The following CFAP99 variants were observed in gnomAD, a reference collection of about 807,000 sequenced individuals.
CFAP99 encodes cilia and flagella associated protein 99, also known as cilia- and flagella-associated protein 99.
A neutral mutation model predicts 82.7 loss-of-function variants in CFAP99; 84 were observed. The ratio of observed to expected loss-of-function variants is 1.02; its 90% confidence interval spans 0.85 to 1.22. The LOEUF is 1.22. Among genes scored for constraint, CFAP99 ranks in the 50% most tolerant of loss-of-function variants. The pLI is 0.00. For missense variants in CFAP99, 1,059 were observed against 983.5 expected (o/e 1.08, Z -1.03); for synonymous variants, 456 against 429.5 (o/e 1.06, Z -0.76).
intron 4 of CFAP99, 131 bp from the exon 5 acceptor site, chr4:2,442,999 G>C: frequency 2.1e-6 from 1 of 473,510 alleles, no homozygotes; most frequent in Non-Finnish European, 3.8e-6. Context: ...GGGTGCTGGG[G>C]GCCTTGGGGG....
intron 2 of CFAP99, among the ~76,000 whole-genome samples, chr4:2,436,666 T>C (rs1472131463): frequency 6.6e-6 from 1 of 152,198 alleles, no homozygotes; most frequent in African/African-American, 2.4e-5. Context: ...TTTCTGTCTT[T>C]GCCCTGACCT....
At chr4:2,442,760 C>T (rs1055736552) in intron 4 of CFAP99, among the ~76,000 whole-genome samples, 3 of 152,302 alleles carry the variant, frequency 2.0e-5, no homozygotes, top group East Asian at 3.9e-4. Flanking sequence ...CCAGGGACCC[C>T]GGGGGCTGCT....
At chr4:2,445,286 C>A (rs766292811) in exon 6 of CFAP99, 2 of 1,365,916 alleles carry the variant, frequency 1.5e-6, no homozygotes, top group Non-Finnish European at 9.4e-7. Flanking sequence ...GAACCAGTCC[C>A]GGTCGTGGCC....
chr4:2,445,136 AGCCAGAG>A lies in CFAP99; in HGVS notation c.472_478del (p.Pro158SerfsTer4). ...TTTCCACTTTTGCCTTCAAGATGGCAGCCAGAGGTCCAGGAGCTGATCAACCACCTGG... is the reference window on the plus strand; with the variant it reads ...TTTCCACTTTTGCCTTCAAGATGGCAGTCCAGGAGCTGATCAACCACCTGG... On this transcript the variant is annotated frameshift_variant, in exon 6 of 15. Transcript: ENST00000635017. LOFTEE classifies it high-confidence loss of function. 7.4e-7 allele frequency: 1 copy of A among 1,358,952 alleles called. No homozygotes were observed. The highest frequency in any genetic ancestry group is 9.4e-7 in the Non-Finnish European group (1 of 1,059,336). 84.2% of individuals were successfully genotyped at this position (1,358,952 alleles called of 1,614,324 possible).
intron 11 of CFAP99, among the ~76,000 whole-genome samples, chr4:2,457,208 G>A (rs1407110605): frequency 2.6e-5 from 4 of 152,068 alleles, no homozygotes; most frequent in Non-Finnish European, 4.4e-5. Flanking sequence ...TTCCCCACGC[G>A]CTGGGATTAC....
chr4:2,458,553 C>T (rs1734489254), intron 11 of CFAP99, among the ~76,000 whole-genome samples, 170 bp from the exon 12 acceptor site: 1 of 152,204 alleles, frequency 6.6e-6, no homozygotes, highest in Non-Finnish European at 1.5e-5. Flanking sequence ...GCAGGCCCAA[C>T]TTCCAGAGCA....
At chr4:2,436,375 T>G (rs1000726282) in intron 2 of CFAP99, among the ~76,000 whole-genome samples, 2 of 152,176 alleles carry the variant, frequency 1.3e-5, no homozygotes, top group African/African-American at 4.8e-5. Flanking sequence ...ATTATTGTGG[T>G]AAAATACATG....
chr4:2,448,330 C>G lies in CFAP99; in HGVS notation c.643-1340C>G, dbSNP rs1334700951. Among the ~76,000 whole-genome samples the G allele has an allele frequency of 1.3e-5, 2 of 152,200 alleles. No individual in the cohort carries two copies. ...GGCCCTCACCATGTCCTCCCATGCTCTATAGCTGTGTGCCTCTCAGTACAA... is the reference window on the plus strand; with the variant it reads ...GGCCCTCACCATGTCCTCCCATGCTGTATAGCTGTGTGCCTCTCAGTACAA... On this transcript the variant is annotated intron_variant, in intron 6 of 14. Coordinates refer to ENST00000635017, the Ensembl canonical transcript of CFAP99. This position sits in a 1 kb window ranked among gnomAD's most constrained non-coding sequence, Gnocchi z 5.2.
At chr4:2,427,858 C>T (rs1046575232) in intron 2 of CFAP99, 4 of 152,392 alleles carry the variant, frequency 2.6e-5, no homozygotes, top group Middle Eastern at 3.4e-3. Flanking sequence ...GCCAAGGCCT[C>T]TGCCGTAAGA....
At chr4:2,454,594 G>GGTTTTTTTTTTTTTTGTT (rs1560388808) in intron 11 of CFAP99, among the ~76,000 whole-genome samples, 3 of 84,534 alleles carry the variant, frequency 3.5e-5, no homozygotes, top group African/African-American at 1.3e-4. Context: ...TTTTTTTTTT[G>GGTTTTTTTTTTTTTTGTT]TTTTTTTTTT....
At chr4:2,439,132 C>T (rs893145969) in intron 4 of CFAP99, among the ~76,000 whole-genome samples, 1 of 152,242 alleles carries the variant, frequency 6.6e-6, no homozygotes, top group African/African-American at 2.4e-5. Context: ...CAGGTTTTCC[C>T]GGACACTCAT....
intron 1 of CFAP99, among the ~76,000 whole-genome samples, chr4:2,423,128 T>A (rs1032705014): frequency 5.3e-5 from 8 of 151,898 alleles, no homozygotes; most frequent in Non-Finnish European, 1.0e-4. Context: ...ATGCCTGGAG[T>A]GAAAGCCACA....
chr4:2,425,874 A>C (rs1241370120), intron 1 of CFAP99, among the ~76,000 whole-genome samples: 1 of 152,020 alleles, frequency 6.6e-6, no homozygotes, highest in Non-Finnish European at 1.5e-5. Flanking sequence ...TGCCCCCGCA[A>C]GCCCTCCCCA....
At chr4:2,442,597 A>T (rs77179858) in intron 4 of CFAP99, among the ~76,000 whole-genome samples, 4 of 151,980 alleles carry the variant, frequency 2.6e-5, no homozygotes, top group Admixed American at 6.5e-5. Context: ...CCCCAAGACC[A>T]CCATTCAGGA....
intron 4 of CFAP99, among the ~76,000 whole-genome samples, chr4:2,441,106 C>T (rs1489827406): frequency 2.0e-5 from 3 of 150,218 alleles, no homozygotes; most frequent in Non-Finnish European, 3.0e-5. Context: ...TTGTTGAGGC[C>T]GGGCACAATA....
intron 2 of CFAP99, chr4:2,427,709 C>G (rs986653208): frequency 3.9e-5 from 6 of 152,422 alleles, no homozygotes; most frequent in Admixed American, 1.3e-4. Context: ...CTGTGCTGTT[C>G]CCCCAGGCCA....
chr4:2,426,221 C>T (rs1481074946), intron 1 of CFAP99, among the ~76,000 whole-genome samples: 3 of 152,076 alleles, frequency 2.0e-5, no homozygotes, highest in South Asian at 2.1e-4. Flanking sequence ...GCCCCTGAGC[C>T]GCAGAGGCCT....
exon 6 of CFAP99, chr4:2,445,208 A>C: frequency 6.8e-7 from 1 of 1,461,942 alleles, no homozygotes; most frequent in South Asian, 1.4e-5. Context: ...TTAAAGACCA[A>C]GGCCAAGGTC....
At chr4:2,447,830 GTGGATGGA>G (rs991718428) in intron 6 of CFAP99, among the ~76,000 whole-genome samples, 18 of 115,206 alleles carry the variant, frequency 1.6e-4, no homozygotes, top group African/African-American at 4.0e-4. Context: ...GGGTGGGTGG[GTGGATGGA>G]TGGATGGATG....
Sources: gnomAD v4.1 joint callset for allele counts (sites outside exome capture counted in the v4.1 genomes callset) on GRCh38, gnomAD v4.1.1 for gene constraint, Gnocchi (gnomAD v3.1) non-coding constraint, MANE v1.5 for transcripts, NCBI Gene and HGNC (gene_info 2026-07-23, HGNC 2026-07-21) for gene names.